The following ULK4 variants were observed in gnomAD, a reference collection of about 807,000 sequenced individuals.
ULK4 encodes unc-51 like kinase 4.
A neutral mutation model predicts 160.6 loss-of-function variants in ULK4; 133 were observed. The ratio of observed to expected loss-of-function variants is 0.83; its 90% confidence interval spans 0.72 to 0.96. The LOEUF is 0.96. Ranked by LOEUF, ULK4 falls within the 40% of genes least tolerant of loss-of-function variation. ULK4 has a pLI of 0.00. For synonymous variants in ULK4, 534 were observed against 539.8 expected (o/e 0.99, Z 0.15); for missense variants, 1,580 against 1,499.5 (o/e 1.05, Z -0.89).
chr3:41,463,663 C>G (rs2083750279), intron 32 of ULK4, among the ~76,000 whole-genome samples: 1 of 152,120 alleles, frequency 6.6e-6, no homozygotes, highest in Non-Finnish European at 1.5e-5. Flanking sequence ...CTCTATCTAG[C>G]AACTGGGTGG....
At chr3:41,827,312 A>G (rs2041396475) in intron 18 of ULK4, among the ~76,000 whole-genome samples, 1 of 151,792 alleles carries the variant, frequency 6.6e-6, no homozygotes, top group Admixed American at 6.6e-5. Flanking sequence ...CTAAGATCAG[A>G]GCAGAACTGA....
chr3:41,937,974 C>T (rs1699832403), intron 3 of ULK4, 124 bp downstream of exon 3: 1 of 598,782 alleles, frequency 1.7e-6, no homozygotes, highest in Non-Finnish European at 2.6e-6. Flanking sequence ...TCACCCTTCC[C>T]TAATATCCAC....
intron 32 of ULK4, among the ~76,000 whole-genome samples, chr3:41,499,278 A>G (rs747323934): frequency 6.6e-6 from 1 of 151,872 alleles, no homozygotes; most frequent in Non-Finnish European, 1.5e-5. Flanking sequence ...AAGAACCCCA[A>G]TAGACAACAG....
intron 27 of ULK4, among the ~76,000 whole-genome samples, chr3:41,698,566 C>T (rs2036572480): frequency 6.6e-6 from 1 of 152,168 alleles, no homozygotes; most frequent in Admixed American, 6.5e-5. Flanking sequence ...TCCAAAACAT[C>T]CAAAATCTGA....
intron 35 of ULK4, among the ~76,000 whole-genome samples, chr3:41,344,416 G>T (rs1474366734): frequency 6.6e-6 from 1 of 152,018 alleles, no homozygotes; most frequent in Non-Finnish European, 1.5e-5. Context: ...CATAGGCATG[G>T]GCAAAGATTT....
chr3:41,723,156 CAG>C (rs2037533278), intron 22 of ULK4, among the ~76,000 whole-genome samples: 2 of 151,922 alleles, frequency 1.3e-5, no homozygotes, highest in Admixed American at 1.3e-4. Flanking sequence ...TTATTAATGA[CAG>C]AATATTTTGG....
chr3:41,842,727 G>A (rs531077982), intron 17 of ULK4, among the ~76,000 whole-genome samples: 24 of 152,286 alleles, frequency 1.6e-4, no homozygotes, highest in Non-Finnish European at 2.2e-4. Flanking sequence ...CTGCAGAACC[G>A]TGAGCCAAAT....
At chr3:41,711,721 G>T (rs771795088) in intron 25 of ULK4, among the ~76,000 whole-genome samples, 6 of 152,178 alleles carry the variant, frequency 3.9e-5, no homozygotes, top group Non-Finnish European at 8.8e-5. Flanking sequence ...ACACAACAAA[G>T]TCTGCTTCCT....
rs151116053 is a variant in ULK4 at position 41,322,019 on chromosome 3, C to CTTTTA, written c.3679-72450_3679-72446dup. Among the ~76,000 whole-genome samples, 603 of 143,648 alleles carry CTTTTA rather than the reference C, an allele frequency of 4.2e-3. 89 individuals carry two copies. Among genetic ancestry groups the CTTTTA allele is most frequent in the African/African-American group, 0.015 (549 of 36,642 alleles). The allele number at this position is 143,648 out of a possible 152,430, so 94.2% of individuals were successfully genotyped here. On this transcript the variant is annotated intron_variant, in intron 35 of 36. Transcript: ENST00000301831. ...ACTTCTTTTCATTCCTGCTCTAAAG[C>CTTTTA]TTTTATTTTATTTTATTTTATTTAT...
intron 33 of ULK4, 147 bp downstream of exon 33, chr3:41,462,940 A>G: frequency 2.0e-6 from 2 of 977,090 alleles, no homozygotes; most frequent in Middle Eastern, 3.6e-4. Flanking sequence ...TCACCCAAAG[A>G]TGACTCTTCA....
intron 35 of ULK4, among the ~76,000 whole-genome samples, chr3:41,276,441 A>T (rs1389774403): frequency 6.6e-6 from 1 of 152,240 alleles, no homozygotes; most frequent in Non-Finnish European, 1.5e-5. Context: ...GGAAAGCTCC[A>T]GCCCTTGCAC....
intron 32 of ULK4, among the ~76,000 whole-genome samples, chr3:41,544,161 C>G (rs2086782174): frequency 6.6e-6 from 1 of 151,380 alleles, no homozygotes; most frequent in Non-Finnish European, 1.5e-5. Context: ...CACTGGAAAT[C>G]AGACCCTCCC....
intron 35 of ULK4, among the ~76,000 whole-genome samples, chr3:41,302,073 A>C (rs1383060780): frequency 6.6e-6 from 1 of 152,226 alleles, no homozygotes; most frequent in Non-Finnish European, 1.5e-5. Context: ...AACTACTTAC[A>C]TACAAGCACT....
chr3:41,609,547 T>C (rs1000089242), intron 31 of ULK4, among the ~76,000 whole-genome samples: 10 of 152,264 alleles, frequency 6.6e-5, no homozygotes, highest in African/African-American at 2.2e-4. Flanking sequence ...AATTGTTATA[T>C]GGCTCCATTC....
At chr3:41,959,886 C>T (rs1337948626) in intron 1 of ULK4, among the ~76,000 whole-genome samples, 1 of 151,996 alleles carries the variant, frequency 6.6e-6, no homozygotes, top group Non-Finnish European at 1.5e-5. Context: ...AGTTACTAAG[C>T]CAGAAAAAAT....
At chr3:41,395,774 A>T (rs541878143) in intron 35 of ULK4, among the ~76,000 whole-genome samples, 9 of 152,248 alleles carry the variant, frequency 5.9e-5, no homozygotes, top group South Asian at 2.1e-4. Flanking sequence ...TCTAGTGATA[A>T]ATTTTATGCT....
In ULK4 at chr3:41,900,769, T is replaced by C. The variant is rs375116628; in HGVS notation, c.1243A>G (p.Thr415Ala). 8 of 1,613,796 alleles carry C rather than the reference T, an allele frequency of 5.0e-6. No homozygotes were observed. The highest frequency in any genetic ancestry group is 4.4e-5 in the South Asian group (4 of 91,064). Residue 415 changes from threonine (T) to alanine (A), a missense_variant, in exon 13 of 37, where the codon ACG (threonine) becomes GCG (alanine). By Grantham distance (58) the Thr-to-Ala change is moderately conservative (BLOSUM62 0). Transcript: ENST00000301831. ...GGGGTGACAACAAGATCTGAGTCCG[T>C]GTAGATAAGCTCTCTCATCTGGGAT... ...LESQMRELIY[T>A]DSDLVVTPII...
chr3:41,329,043 G>T (rs2080391845), intron 35 of ULK4, among the ~76,000 whole-genome samples: 1 of 152,044 alleles, frequency 6.6e-6, no homozygotes, highest in Non-Finnish European at 1.5e-5. Context: ...CCTTTGTGCT[G>T]CCCCTCCTCC....
chr3:41,647,884 G>T (rs551061476), intron 30 of ULK4, among the ~76,000 whole-genome samples: 2 of 152,338 alleles, frequency 1.3e-5, no homozygotes, highest in South Asian at 4.1e-4. Context: ...GTGTACCTAC[G>T]CAAGCCTGAG....
Sources: allele counts gnomAD v4.1 joint callset (sites outside exome capture counted in the v4.1 genomes callset), GRCh38; gene constraint gnomAD v4.1.1; transcripts MANE v1.5; gene names NCBI Gene and HGNC (gene_info 2026-07-23, HGNC 2026-07-21).